Variants in SLC20A2 observed in about 807,000 individuals in gnomAD.
SLC20A2 encodes the protein sodium-dependent phosphate transporter 2.
A neutral mutation model predicts 61.0 loss-of-function variants in SLC20A2; 30 were observed. The ratio of observed to expected loss-of-function variants is 0.49; its 90% CI spans 0.37 to 0.67. The LOEUF is 0.67. SLC20A2 is among the 30% of genes least tolerant of loss of function. SLC20A2 has a pLI of 0.00. For missense variants in SLC20A2, 626 were observed against 866.4 expected (o/e 0.72, Z 3.48); for synonymous variants, 351 against 353.3 (o/e 0.99, Z 0.07).
intron 5 of SLC20A2, among the ~76,000 whole-genome samples, chr8:42,454,650 G>A (rs118039456): frequency 0.016 from 2,361 of 150,632 alleles, 19 homozygotes; most frequent in Middle Eastern, 0.024. Context: ...ACAGGGCCTC[G>A]CTTTGTCATC....
At chr8:42,510,408 T>A (rs1285441039) in intron 1 of SLC20A2, among the ~76,000 whole-genome samples, 1 of 152,214 alleles carries the variant, frequency 6.6e-6, no homozygotes, top group Non-Finnish European at 1.5e-5. Context: ...TGTGCTAAAC[T>A]GCTAATCATA....
chr8:42,529,627 C>T (rs750806363), intron 1 of SLC20A2, among the ~76,000 whole-genome samples: 2 of 152,218 alleles, frequency 1.3e-5, no homozygotes, highest in Non-Finnish European at 2.9e-5. Context: ...TACCTCAGCT[C>T]ATCCTACATC....
At chr8:42,469,614 A>G (rs138363991) in intron 2 of SLC20A2, among the ~76,000 whole-genome samples, 16 of 152,312 alleles carry the variant, frequency 1.1e-4, no homozygotes, top group African/African-American at 1.7e-4. Context: ...TTTATCCATC[A>G]AAAGGAAAAA....
At chr8:42,451,593 TGGA>T (rs141195469) in intron 5 of SLC20A2, among the ~76,000 whole-genome samples, 753 of 66,812 alleles carry the variant, frequency 0.011, 16 homozygotes, top group African/African-American at 0.043. Flanking sequence ...GAGGAAGAGA[TGGA>T]GGAGGAGGAG....
chr8:42,524,250 T>C (rs896146626), intron 1 of SLC20A2, among the ~76,000 whole-genome samples: 8 of 152,358 alleles, frequency 5.3e-5, no homozygotes, highest in Admixed American at 6.5e-5. Flanking sequence ...AATGGTATTA[T>C]GGTTATGCTT....
chr8:42,478,160 AG>A (rs968273763), intron 1 of SLC20A2, among the ~76,000 whole-genome samples: 10 of 151,044 alleles, frequency 6.6e-5, no homozygotes, highest in South Asian at 6.3e-4. Context: ...CTGGGATCAC[AG>A]GTGTGAGCCA....
At chr8:42,454,190 A>C (rs1189665676) in intron 5 of SLC20A2, among the ~76,000 whole-genome samples, 1 of 152,014 alleles carries the variant, frequency 6.6e-6, no homozygotes, top group Non-Finnish European at 1.5e-5. Flanking sequence ...TTTCAGTAGA[A>C]ACAGGGTTTC....
chr8:42,525,407 C>T (rs1371634953), intron 1 of SLC20A2, among the ~76,000 whole-genome samples: 1 of 151,686 alleles, frequency 6.6e-6, no homozygotes, highest in Non-Finnish European at 1.5e-5. Context: ...CATGGTGAAA[C>T]CCCGTCTGTA....
At chr8:42,428,266 C>A (rs1006342775) in intron 10 of SLC20A2, among the ~76,000 whole-genome samples, 5 of 152,222 alleles carry the variant, frequency 3.3e-5, no homozygotes, top group Non-Finnish European at 5.9e-5. Context: ...CAGCAATTAC[C>A]CCTCGTGGGG....
At chr8:42,419,008 CAAAAAAAA>C (rs778981433) in intron 10 of SLC20A2, among the ~76,000 whole-genome samples, 1 of 64,200 alleles carries the variant, frequency 1.6e-5, no homozygotes, top group African/African-American at 6.6e-5. Context: ...GACTCTGTCT[CAAAAAAAA>C]AAAAAAAAAA....
At chr8:42,461,876 G>A (rs1806728098) in intron 4 of SLC20A2, among the ~76,000 whole-genome samples, 1 of 152,036 alleles carries the variant, frequency 6.6e-6, no homozygotes, top group South Asian at 2.1e-4. Flanking sequence ...TTTACCAAGT[G>A]TCTTGTAAGT....
intron 1 of SLC20A2, among the ~76,000 whole-genome samples, chr8:42,520,746 A>C (rs1009162577): frequency 1.7e-5 from 2 of 117,510 alleles, no homozygotes; most frequent in African/African-American, 5.2e-5. Flanking sequence ...AACAAAAAAC[A>C]AACCAAAAAA....
At chr8:42,474,405 G>C (rs1807895432) in intron 1 of SLC20A2, among the ~76,000 whole-genome samples, 1 of 152,092 alleles carries the variant, frequency 6.6e-6, no homozygotes, top group Non-Finnish European at 1.5e-5. Context: ...AATATACATT[G>C]ATAGTTGTTA....
intron 5 of SLC20A2, among the ~76,000 whole-genome samples, chr8:42,456,066 TA>T (rs762484866): frequency 4.6e-5 from 7 of 152,128 alleles, no homozygotes; most frequent in Non-Finnish European, 8.8e-5. Flanking sequence ...TTCCCTAGGA[TA>T]ATTTACTCTC....
intron 1 of SLC20A2, among the ~76,000 whole-genome samples, chr8:42,479,970 T>G (rs1422789205): frequency 6.6e-6 from 1 of 152,148 alleles, no homozygotes; most frequent in Non-Finnish European, 1.5e-5. Flanking sequence ...CTCAAGCAAA[T>G]AGGCAAAGAC....
At chr8:42,467,937 G>C (rs990053691) in intron 2 of SLC20A2, among the ~76,000 whole-genome samples, 3 of 147,782 alleles carry the variant, frequency 2.0e-5, no homozygotes, top group African/African-American at 5.0e-5. Context: ...TTTTTTTTTA[G>C]ACGGGGTCTT....
At chr8:42,498,531 C>T (rs999633604) in intron 1 of SLC20A2, among the ~76,000 whole-genome samples, 2 of 152,132 alleles carry the variant, frequency 1.3e-5, no homozygotes, top group African/African-American at 4.8e-5. Flanking sequence ...TGGGTTGGAA[C>T]TATGCTTTCC....
At chr8:42,481,931 G>A (rs1328280776) in intron 1 of SLC20A2, among the ~76,000 whole-genome samples, 1 of 152,042 alleles carries the variant, frequency 6.6e-6, no homozygotes, top group Admixed American at 6.6e-5. Context: ...CTTCCCAGCC[G>A]TAAAGCTTCT....
chr8:42,476,247 C>T (rs1313719267), intron 1 of SLC20A2, among the ~76,000 whole-genome samples: 1 of 151,764 alleles, frequency 6.6e-6, no homozygotes, highest in Non-Finnish European at 1.5e-5. Flanking sequence ...AATAGGCGCC[C>T]GCCACCACGC....
Sources: gnomAD v4.1 joint callset for allele counts (sites outside exome capture counted in the v4.1 genomes callset) on GRCh38, gnomAD v4.1.1 for gene constraint, MANE v1.5 for transcripts, NCBI Gene and HGNC (gene_info 2026-07-23, HGNC 2026-07-21) for gene names.